Variants in CALU observed in about 807,000 individuals in gnomAD.
CALU encodes the protein calumenin, also known as IEF SSP 9302.
A neutral mutation model predicts 37.5 loss-of-function variants in CALU; 13 were observed. That is an observed-to-expected ratio of 0.35 (90% CI 0.23 to 0.55). The LOEUF is 0.55. CALU is among the 20% of genes least tolerant of loss of function. CALU has a pLI of 0.89. For missense variants in CALU, 282 were observed against 391.7 expected (o/e 0.72, Z 2.36); for synonymous variants, 114 against 133.8 (o/e 0.85, Z 1.02).
chr7:128,769,283 G>A lies in CALU; in HGVS notation c.*116G>A. 1 of 602,188 alleles carries A rather than the reference G, an allele frequency of 1.7e-6. No individual in the cohort carries two copies. Among genetic ancestry groups the A allele is most frequent in the Non-Finnish European group, 2.9e-6 (1 of 342,626 alleles). The allele number at this position is 602,188 out of a possible 1,614,324, so 37.3% of individuals were successfully genotyped here. ...TACAAACTTTTTAAGACATGAAAAG[G>A]CGTAATGAAAACCATCCCGTCCCCA... On this transcript the variant is annotated 3_prime_UTR_variant, in exon 7 of 7. Coordinates refer to ENST00000249364, the MANE Select transcript of CALU (RefSeq NM_001219.5).
At chr7:128,768,993 T>C (rs1330353290) in intron 6 of CALU, 70 bp from the exon 7 acceptor site, 1 of 863,992 alleles carries the variant, frequency 1.2e-6, no homozygotes, top group Non-Finnish European at 1.9e-6. Context: ...CCAATTCTTC[T>C]ATAACAGTGT....
Position 128,741,045 on chromosome 7 carries a change from A to G in CALU, c.-12+1613A>G, listed in dbSNP as rs1800222231. Among the ~76,000 whole-genome samples the G allele has an allele frequency of 2.6e-5, 4 of 152,232 alleles. No homozygotes were observed. In the South Asian group the frequency reaches 8.3e-4, roughly 31 times the overall value. On this transcript the variant is annotated intron_variant, in intron 1 of 6. Transcript: ENST00000249364. ...CACCACACCCTAGTACATTGGTGTT[A>G]ACACAGATTTTCTGTAACGTAGGTA... is the stretch of plus-strand genomic sequence containing the variant.
chr7:128,767,431 T>G (rs375900163), intron 5 of CALU, 25 bp from the exon 6 acceptor site: 5 of 1,568,816 alleles, frequency 3.2e-6, no homozygotes, highest in Non-Finnish European at 3.5e-6. Context: ...AAACCCTTCT[T>G]TTGTATGTAT....
In CALU at chr7:128,748,744, G is replaced by T; in HGVS notation, c.161G>T (p.Gly54Val). ...SFDYDHDAFL[G>V]AEEAKTFDQL... ...GATTATGACCATGATGCCTTCTTGG[G>T]TGCTGAAGAAGCAAAGACCTTTGAT... The change falls in exon 2 of 7, where the codon GGT becomes GTT. Residue 54 changes from glycine (G) to valine (V), a missense_variant. Gly to Val is a moderately radical substitution (Grantham distance 109). Coordinates refer to ENST00000249364, the MANE Select transcript of CALU (RefSeq NM_001219.5). The T allele has an allele frequency of 6.2e-7, 1 of 1,614,172 alleles. No individual in the cohort carries two copies. Among genetic ancestry groups the T allele is most frequent in the Non-Finnish European group, 8.5e-7 (1 of 1,180,032 alleles).
intron 1 of CALU, among the ~76,000 whole-genome samples, chr7:128,744,527 A>G (rs1474545133): frequency 1.3e-5 from 2 of 152,050 alleles, no homozygotes; most frequent in East Asian, 3.9e-4. Flanking sequence ...GAACTTCTTT[A>G]AAGTGCAGAT....
intron 5 of CALU, among the ~76,000 whole-genome samples, chr7:128,763,515 A>T (rs546744058): frequency 6.6e-6 from 1 of 152,324 alleles, no homozygotes; most frequent in East Asian, 1.9e-4. Context: ...TGGGCGACAG[A>T]GCAAGACTCT....
chr7:128,748,723 A>G lies in CALU; in HGVS notation c.140A>G (p.Tyr47Cys), dbSNP rs1402723648. The stretch of plus-strand genomic sequence containing the variant: ...CACAATGATGCTCAGAGTTTTGATT[A>G]TGACCATGATGCCTTCTTGGGTGCT... ...KVHNDAQSFD[Y>C]DHDAFLGAEE... The change falls in exon 2 of 7, where the codon TAT (tyrosine) becomes TGT (cysteine). Residue 47 changes from tyrosine (Y) to cysteine (C), a missense_variant. Coordinates refer to ENST00000249364, the MANE Select transcript of CALU (RefSeq NM_001219.5). The G allele has an allele frequency of 6.2e-7, 1 of 1,614,214 alleles. No homozygotes were observed. Among genetic ancestry groups the G allele is most frequent in the Admixed American group, 1.7e-5 (1 of 60,028 alleles).
chr7:128,766,432 T>C lies in CALU; in HGVS notation c.644-1024T>C, dbSNP rs202066005. Among the ~76,000 whole-genome samples the C allele has an allele frequency of 2.2e-3, 323 of 143,666 alleles. 1 individual carries two copies. Among genetic ancestry groups the C allele is most frequent in the African/African-American group, 7.1e-3 (273 of 38,670 alleles). The allele number at this position is 143,666 out of a possible 152,430, so 94.3% of individuals were successfully genotyped here. On this transcript the variant is annotated intron_variant, in intron 5 of 6. Transcript: ENST00000249364. ...ACACTAGTATTTCTTTTTCTTTTTT[T>C]TTTTTTTTTTTTTTGAGACGGAGTC...
chr7:128,752,536 G>T (rs980023056), intron 2 of CALU, among the ~76,000 whole-genome samples: 2 of 152,114 alleles, frequency 1.3e-5, no homozygotes, highest in African/African-American at 2.4e-5. Context: ...TACCATTTGA[G>T]CACAAACTGC....
chr7:128,764,168 C>T (rs1205220658), intron 5 of CALU, among the ~76,000 whole-genome samples: 1 of 152,076 alleles, frequency 6.6e-6, no homozygotes, highest in Non-Finnish European at 1.5e-5. Flanking sequence ...TAGCTCATTC[C>T]TGTAATCCCA....
chr7:128,752,421 A>G (rs926075372), intron 2 of CALU, among the ~76,000 whole-genome samples: 2 of 152,150 alleles, frequency 1.3e-5, no homozygotes. Context: ...TCTTCAGGCT[A>G]TTTATAATAG....
rs371641480 is a variant in CALU at position 128,772,691 on chromosome 7, T to C, written c.*3524T>C. On this transcript the variant is annotated 3_prime_UTR_variant, in exon 7 of 7. Coordinates refer to ENST00000249364, the MANE Select transcript of CALU (RefSeq NM_001219.5). ...AGAAAGGTACAATTGGAGATAACCT[T>C]GGCAGATGAGGAAGTATGGGAAAAA... 2.1e-5 allele frequency: 34 copies of C among 1,613,820 alleles called. No individual in the cohort carries two copies. Among genetic ancestry groups the C allele is most frequent in the Non-Finnish European group, 2.7e-5 (32 of 1,179,844 alleles).
intron 5 of CALU, among the ~76,000 whole-genome samples, chr7:128,763,834 T>G (rs1356118975): frequency 1.3e-5 from 2 of 152,200 alleles, no homozygotes; most frequent in Non-Finnish European, 1.5e-5. Flanking sequence ...ATTTCTCTTG[T>G]GAGTTTAAGA....
intron 3 of CALU, among the ~76,000 whole-genome samples, chr7:128,757,426 C>T (rs1800931742): frequency 6.6e-6 from 1 of 151,336 alleles, no homozygotes. Flanking sequence ...ACTCGTTAAG[C>T]TGTCTGACTG....
chr7:128,747,868 G>A (rs1800507172), intron 1 of CALU: 1 of 154,904 alleles, frequency 6.5e-6, no homozygotes, highest in Admixed American at 6.4e-5. Flanking sequence ...TACTACAGGT[G>A]GTATTTATGC....
chr7:128,757,542 A>ATTTT lies in CALU; in HGVS notation c.416-1329_416-1328insTTTT, dbSNP rs879619968. 7.7e-4 allele frequency among the ~76,000 whole-genome samples: 117 copies of ATTTT among 152,328 alleles called. 1 individual carries two copies. The highest frequency in any genetic ancestry group is 1.4e-3 in the Non-Finnish European group (92 of 68,038). ...TAAACTGTGCTTAAAGTATGGAAAGACTGAACAATCTCAAAGGTCAGCAGT... is the reference window on the plus strand; with the variant it reads ...TAAACTGTGCTTAAAGTATGGAAAGATTTTCTGAACAATCTCAAAGGTCAGCAGT... On this transcript the variant is annotated intron_variant, in intron 3 of 6. Transcript: ENST00000249364.
At chr7:128,745,145 G>A (rs62479565) in intron 1 of CALU, among the ~76,000 whole-genome samples, 2,105 of 152,212 alleles carry the variant, frequency 0.014, 31 homozygotes, top group South Asian at 0.032. Context: ...GTAATCATTT[G>A]TAAAATTTTC....
intron 5 of CALU, chr7:128,761,348 G>C (rs1214181848): frequency 1.3e-5 from 2 of 152,150 alleles, no homozygotes; most frequent in African/African-American, 4.8e-5. Context: ...GCTGGGTGTG[G>C]TGGCATACCC....
intron 1 of CALU, among the ~76,000 whole-genome samples, chr7:128,746,857 C>T (rs1800465432): frequency 6.7e-6 from 1 of 148,408 alleles, no homozygotes; most frequent in Admixed American, 6.9e-5. Context: ...CAAGCTCTGC[C>T]TCCTGGGTTC....
Sources: gnomAD v4.1 joint callset for allele counts (sites outside exome capture counted in the v4.1 genomes callset) on GRCh38, gnomAD v4.1.1 for gene constraint, MANE v1.5 for transcripts, NCBI Gene and HGNC (gene_info 2026-07-23, HGNC 2026-07-21) for gene names.